UNC13C: variants seen among roughly 807,000 people sequenced by gnomAD.
UNC13C encodes the protein unc-13 homolog C.
A neutral mutation model predicts 245.4 loss-of-function variants in UNC13C; 174 were observed. The ratio of observed to expected loss-of-function variants is 0.71; its 90% CI spans 0.63 to 0.80. The LOEUF is 0.80. UNC13C is among the 30% of genes least tolerant of loss of function. UNC13C has a pLI of 0.00. For missense variants in UNC13C, 2,829 were observed against 2,602.9 expected, an observed-to-expected ratio of 1.09 and a Z score of -1.89; for synonymous variants, 992 against 895.1, an observed-to-expected ratio of 1.11 and a Z score of -1.93.
At chr15:53,944,783 C>T in the UNC13C span, among the ~76,000 whole-genome samples, 2 of 152,088 alleles carry the variant, frequency 1.3e-5, no homozygotes, top group Non-Finnish European at 1.5e-5. Context: ...GGTATATACC[C>T]AGTAATAGGA....
chr15:53,876,449 C>T, the UNC13C span, among the ~76,000 whole-genome samples: 3 of 152,164 alleles, frequency 2.0e-5, no homozygotes, highest in East Asian at 3.9e-4. Context: ...AATTCAGAGG[C>T]TCCATGTTAT....
At chr15:54,284,213 A>T (rs1410893053) in intron 10 of UNC13C, among the ~76,000 whole-genome samples, 2 of 152,238 alleles carry the variant, frequency 1.3e-5, no homozygotes, top group Non-Finnish European at 2.9e-5. Context: ...TCAAATAAAT[A>T]TCAAACATAC....
intron 1 of UNC13C, among the ~76,000 whole-genome samples, chr15:53,995,970 G>A (rs542611137): frequency 5.3e-5 from 8 of 152,212 alleles, no homozygotes; most frequent in East Asian, 1.9e-4. Flanking sequence ...ATGGAAGGAC[G>A]GCCGAAGGCT....
chr15:54,298,099 T>C (rs2037483251), intron 12 of UNC13C, among the ~76,000 whole-genome samples, 173 bp downstream of exon 12: 1 of 152,162 alleles, frequency 6.6e-6, no homozygotes, highest in Admixed American at 6.5e-5. Context: ...TGTGTTGTAT[T>C]ACCCCTGACG....
rs1897838771 is a variant in UNC13C, at chr15:54,573,413, G to C, written c.6106+5466G>C. ...GTCTTCTCTCTCTGTTCCAAACATG[G>C]AAAATAAACAAATCCAAAATGGATG... On this transcript the variant is annotated intron_variant, in intron 30 of 32. Transcript: ENST00000260323. Among the ~76,000 whole-genome samples the C allele has an allele frequency of 3.9e-5, 6 of 152,158 alleles. No homozygotes were observed. The South Asian group carries it at 1.2e-3, about 32-fold the overall frequency.
chr15:54,247,900 C>T (rs1214843471), intron 7 of UNC13C, among the ~76,000 whole-genome samples: 2 of 151,984 alleles, frequency 1.3e-5, no homozygotes, highest in Admixed American at 6.6e-5. Context: ...ACTTGTTTTC[C>T]TGCAGTATGC....
At chr15:54,160,315 A>C (rs928690174) in intron 4 of UNC13C, among the ~76,000 whole-genome samples, 1 of 150,786 alleles carries the variant, frequency 6.6e-6, no homozygotes, top group African/African-American at 2.4e-5. Context: ...GCTAGATGAA[A>C]ATGACAAAGA....
intron 17 of UNC13C, among the ~76,000 whole-genome samples, chr15:54,352,978 G>A (rs2039017598): frequency 6.6e-6 from 1 of 152,062 alleles, no homozygotes; most frequent in Non-Finnish European, 1.5e-5. Flanking sequence ...TTTGGCAATG[G>A]TGAAAATGGC....
chr15:54,501,807 T>C (rs898368498), intron 22 of UNC13C, among the ~76,000 whole-genome samples: 2 of 152,056 alleles, frequency 1.3e-5, no homozygotes, highest in African/African-American at 4.8e-5. Flanking sequence ...AGAAAAGTAT[T>C]CTAAGCCAGA....
rs9302181 is a variant in UNC13C at position 54,549,676 on chromosome 15, A to G, written c.5862A>G (p.Gln1954=). 0.38 allele frequency: 603,712 copies of G among 1,589,048 alleles called. 119,372 individuals are homozygous for G. Among genetic ancestry groups the G allele is most frequent in the East Asian group, 0.56 (24,757 of 44,338 alleles). The change falls in exon 28 of 33, where the codon CAA becomes CAG. Residue 1954 remains glutamine (Q), a synonymous_variant. Transcript: ENST00000260323. ...TCATTGCAGCTAAAGATCTTGGACAATTATCCAAACTGAAGGTAATAAAAA... is the reference window on the plus strand; with the variant it reads ...TCATTGCAGCTAAAGATCTTGGACAGTTATCCAAACTGAAGGTAATAAAAA... ...MIFIAAKDLG[Q]LSKLKEHMIR...
chr15:54,014,665 C>T lies in UNC13C; in HGVS notation c.1762C>T (p.Gln588Ter). Residue 588 changes from glutamine to a stop codon, truncating the protein, a stop_gained, in exon 2 of 33, where the codon CAG becomes TAG. Transcript: ENST00000260323. LOFTEE classifies it high-confidence loss of function. ...GTCATCTTCGGACCGGGAGCTATGG[C>T]AGAGGAAACAGGAAGGAACAGCGAC... ...LLSSSDRELWQRKQEGTATLY... is the reference protein window; with the variant it reads ...LLSSSDRELW 2 of 1,613,642 alleles carry T rather than the reference C, an allele frequency of 1.2e-6. No individual in the cohort carries two copies. Among genetic ancestry groups the T allele is most frequent in the Non-Finnish European group, 1.7e-6 (2 of 1,179,790 alleles).
chr15:53,970,894 G>A, the UNC13C span, among the ~76,000 whole-genome samples: 857 of 152,190 alleles, frequency 5.6e-3, 10 homozygotes, highest in African/African-American at 0.02. Context: ...TTGCTGGATC[G>A]TATGTTTATT....
At chr15:54,112,150 C>A (rs556755825) in intron 2 of UNC13C, among the ~76,000 whole-genome samples, 112 of 152,304 alleles carry the variant, frequency 7.4e-4, no homozygotes, top group Middle Eastern at 6.8e-3. Flanking sequence ...ATTTCCTCTT[C>A]ACAACTTATG....
At chr15:54,071,320 C>G (rs1403125814) in intron 2 of UNC13C, among the ~76,000 whole-genome samples, 2 of 152,084 alleles carry the variant, frequency 1.3e-5, no homozygotes, top group South Asian at 4.2e-4. Flanking sequence ...GTTCCTACTT[C>G]ATTAAATATT....
intron 14 of UNC13C, among the ~76,000 whole-genome samples, chr15:54,330,763 T>C (rs954988633): frequency 6.6e-6 from 1 of 152,032 alleles, no homozygotes; most frequent in African/African-American, 2.4e-5. Context: ...TGGGAAGGTA[T>C]AATGGAGAGT....
At chr15:54,248,834 C>A (rs1369561438) in intron 7 of UNC13C, among the ~76,000 whole-genome samples, 2 of 152,094 alleles carry the variant, frequency 1.3e-5, no homozygotes, top group African/African-American at 4.8e-5. Context: ...TGGTAGGGGA[C>A]CTCCTAGTAC....
At chr15:54,203,377 G>A (rs543875183) in intron 4 of UNC13C, among the ~76,000 whole-genome samples, 4 of 151,130 alleles carry the variant, frequency 2.6e-5, no homozygotes, top group Admixed American at 2.0e-4. Context: ...ACTTGTACAC[G>A]CGTTTATAGC....
At chr15:54,615,440 C>T (rs898897793) in intron 30 of UNC13C, among the ~76,000 whole-genome samples, 2 of 151,896 alleles carry the variant, frequency 1.3e-5, no homozygotes, top group Non-Finnish European at 2.9e-5. Context: ...TCAGTGATCA[C>T]CAAGAAGAAG....
chr15:54,312,146 G>A (rs546477229), intron 13 of UNC13C, among the ~76,000 whole-genome samples: 34 of 151,660 alleles, frequency 2.2e-4, no homozygotes, highest in Non-Finnish European at 4.3e-4. Context: ...ATCATATTCA[G>A]CAGTATTTCC....
Sources: gnomAD v4.1 joint callset for allele counts (sites outside exome capture counted in the v4.1 genomes callset) on GRCh38, gnomAD v4.1.1 for gene constraint, MANE v1.5 for transcripts, NCBI Gene and HGNC (gene_info 2026-07-23, HGNC 2026-07-21) for gene names.